AP2B1: variants seen among roughly 807,000 people sequenced by gnomAD.
The protein encoded by AP2B1 is adaptor related protein complex 2 subunit beta 1, also known as AP-2 complex subunit beta.
In AP2B1, 23 loss-of-function variants were observed where a neutral mutation model predicts 102.0. The ratio of observed to expected loss-of-function variants is 0.23; its 90% CI spans 0.16 to 0.32. The LOEUF (loss-of-function observed/expected upper bound fraction) is 0.32. Ranked by LOEUF, AP2B1 falls within the 10% of genes least tolerant of loss-of-function variation. The pLI, the probability that AP2B1 is intolerant of heterozygous loss-of-function variation, is 1.00. For missense variants in AP2B1, 541 were observed against 1,157.4 expected (o/e 0.47, Z 7.73); for synonymous variants, 381 against 421.2 (o/e 0.90, Z 1.17).
intron 3 of AP2B1, chr17:35,601,072 G>A (rs1318215215): frequency 3.1e-5 from 27 of 882,176 alleles, no homozygotes; most frequent in Non-Finnish European, 3.7e-5. Flanking sequence ...GGACAAAATA[G>A]TAAGTACATC....
intron 3 of AP2B1, 44 bp from the exon 4 acceptor site, chr17:35,605,661 A>C (rs772174038): frequency 6.8e-7 from 1 of 1,467,522 alleles, no homozygotes; most frequent in South Asian, 1.2e-5. Context: ...GCTTGGCACC[A>C]ACACCTGCTT....
chr17:35,694,973 CT>C (rs2076113149), intron 18 of AP2B1, among the ~76,000 whole-genome samples: 3 of 152,086 alleles, frequency 2.0e-5, no homozygotes, highest in Admixed American at 2.0e-4. Flanking sequence ...CTTCCCACCC[CT>C]CACTATTAAC....
At chr17:35,619,776 G>C (rs1484888527) in intron 5 of AP2B1, among the ~76,000 whole-genome samples, 1 of 151,970 alleles carries the variant, frequency 6.6e-6, no homozygotes, top group African/African-American at 2.4e-5. Flanking sequence ...ATTTTTTTTA[G>C]TTTTTTATTT....
intron 3 of AP2B1, 128 bp downstream of exon 3, chr17:35,598,463 C>T: frequency 1.8e-6 from 1 of 547,784 alleles, no homozygotes. Context: ...CCACTAAAAA[C>T]ATCATTAGGA....
At chr17:35,678,372 C>T (rs1236524547) in intron 17 of AP2B1, among the ~76,000 whole-genome samples, 8 of 151,768 alleles carry the variant, frequency 5.3e-5, no homozygotes, top group Non-Finnish European at 1.0e-4. Context: ...AATCTTATGC[C>T]TTTTATTTTT....
chr17:35,601,778 C>CTT (rs202210134), intron 3 of AP2B1, among the ~76,000 whole-genome samples: 33 of 140,080 alleles, frequency 2.4e-4, no homozygotes, highest in African/African-American at 5.2e-4. Context: ...TGTCATAACT[C>CTT]TTTTTTTTTT....
rs975177290 is a variant in AP2B1, at chr17:35,636,333, C to T, written c.1156-8C>T. On this transcript the variant is annotated splice_region_variant and splice_polypyrimidine_tract_variant and intron_variant, in intron 9 of 21. Transcript: ENST00000610402. The stretch of plus-strand genomic sequence containing the variant: ...CTGACTTCTCATTTTTTGTATTTTT[C>T]TTCCCAGCAATCTGCAGAGCGCTGT... The T allele has an allele frequency of 5.6e-6, 9 of 1,600,346 alleles. No homozygotes were observed. The Admixed American group carries it at 8.5e-5, about 15-fold the overall frequency.
chr17:35,613,411 T>C (rs1020367112), intron 5 of AP2B1, among the ~76,000 whole-genome samples: 4 of 152,116 alleles, frequency 2.6e-5, no homozygotes, highest in African/African-American at 9.7e-5. Context: ...TTTTGTTTCC[T>C]GTGTTTTGCA....
chr17:35,622,956 C>T (rs928932903), intron 5 of AP2B1, among the ~76,000 whole-genome samples: 1 of 152,124 alleles, frequency 6.6e-6, no homozygotes, highest in South Asian at 2.1e-4. Context: ...TGAGCCACCA[C>T]GCCCAGCCAA....
intron 18 of AP2B1, among the ~76,000 whole-genome samples, chr17:35,686,121 T>C (rs968729626): frequency 6.6e-6 from 1 of 152,204 alleles, no homozygotes; most frequent in Non-Finnish European, 1.5e-5. Flanking sequence ...AAATACCTAG[T>C]AGAGATTTGA....
intron 14 of AP2B1, among the ~76,000 whole-genome samples, chr17:35,664,757 T>C (rs1248219516): frequency 6.6e-6 from 1 of 152,184 alleles, no homozygotes; most frequent in Non-Finnish European, 1.5e-5. Context: ...TACATTCGCG[T>C]AGGGGAGACA....
chr17:35,621,352 G>A, intron 5 of AP2B1: 1 of 985,174 alleles, frequency 1.0e-6, no homozygotes, highest in African/African-American at 1.7e-5. Flanking sequence ...GGAAAACTGA[G>A]AGTGCTGCCT....
chr17:35,658,339 T>A (rs1329724913), intron 14 of AP2B1, among the ~76,000 whole-genome samples: 2 of 151,774 alleles, frequency 1.3e-5, no homozygotes, highest in East Asian at 3.9e-4. Flanking sequence ...GCTGCTTGAT[T>A]GGTTCTTTTT....
intron 18 of AP2B1, among the ~76,000 whole-genome samples, chr17:35,695,365 A>G (rs930289062): frequency 6.6e-6 from 1 of 152,122 alleles, no homozygotes; most frequent in Admixed American, 6.5e-5. Context: ...CAGGAGTAGG[A>G]ACAGATGCAG....
At chr17:35,659,735 G>T in intron 14 of AP2B1, 3 of 889,510 alleles carry the variant, frequency 3.4e-6, no homozygotes, top group Non-Finnish European at 4.0e-6. Context: ...CTGACTTTGG[G>T]ATCTAAAATG....
chr17:35,640,193 G>A (rs370732308), intron 11 of AP2B1, among the ~76,000 whole-genome samples: 1 of 146,182 alleles, frequency 6.8e-6, no homozygotes, highest in African/African-American at 2.5e-5. Flanking sequence ...CTGGGATTAC[G>A]GGCATGAGCC....
At chr17:35,600,244 G>A (rs2073432256) in intron 3 of AP2B1, among the ~76,000 whole-genome samples, 1 of 151,854 alleles carries the variant, frequency 6.6e-6, no homozygotes, top group Admixed American at 6.6e-5. Flanking sequence ...ACTACCACCC[G>A]GCTAATTTTT....
intron 17 of AP2B1, among the ~76,000 whole-genome samples, chr17:35,677,224 A>G (rs2075721849): frequency 1.3e-5 from 2 of 152,300 alleles, no homozygotes; most frequent in African/African-American, 2.4e-5. Flanking sequence ...TCCTGGGCTC[A>G]AGTAGTCATC....
intron 18 of AP2B1, among the ~76,000 whole-genome samples, chr17:35,685,170 A>G (rs1480957993): frequency 1.3e-5 from 2 of 152,210 alleles, no homozygotes; most frequent in Non-Finnish European, 2.9e-5. Context: ...GGATGTCATA[A>G]TTGTGGCTAT....
Sources: allele counts gnomAD v4.1 joint callset (sites outside exome capture counted in the v4.1 genomes callset), GRCh38; gene constraint gnomAD v4.1.1; transcripts MANE v1.5; gene names NCBI Gene and HGNC (gene_info 2026-07-23, HGNC 2026-07-21).